The following SOX6 variants were observed in gnomAD, a reference collection of about 807,000 sequenced individuals.
SOX6 encodes the protein SRY-box transcription factor 6, also known as transcription factor SOX-6.
A neutral mutation model predicts 97.8 loss-of-function variants in SOX6; 11 were observed. The observed-to-expected ratio is 0.11, with a 90% CI of 0.07 to 0.19. The LOEUF is 0.19. SOX6 is among the 10% of genes least tolerant of loss of function. The probability of loss-of-function intolerance (pLI) is 1.00; values close to 1 mark genes in which losing one functional copy is unlikely to be tolerated. For missense variants in SOX6, 810 were observed against 1,039.5 expected, an observed-to-expected ratio of 0.78 and a Z score of 3.04; for synonymous variants, 360 against 371.4, an observed-to-expected ratio of 0.97 and a Z score of 0.35.
intron 6 of SOX6, among the ~76,000 whole-genome samples, chr11:16,152,690 C>G (rs989988512): frequency 2.0e-5 from 3 of 152,042 alleles, no homozygotes; most frequent in African/African-American, 4.8e-5. Flanking sequence ...GACACACACA[C>G]AGAGAGACTC....
At chr11:16,285,451 T>C (rs1854704478) in intron 3 of SOX6, among the ~76,000 whole-genome samples, 1 of 152,034 alleles carries the variant, frequency 6.6e-6, no homozygotes, top group African/African-American at 2.4e-5. Context: ...GGAGAATCAC[T>C]TGAACCCAGG....
At chr11:16,363,055 C>T (rs537844224) in intron 1 of SOX6, among the ~76,000 whole-genome samples, 2 of 152,256 alleles carry the variant, frequency 1.3e-5, no homozygotes, top group East Asian at 3.9e-4. Flanking sequence ...ACTGTTCTAG[C>T]TTCTGAGGAT....
chr11:16,142,948 T>A (rs950365380), intron 6 of SOX6, among the ~76,000 whole-genome samples: 2 of 151,984 alleles, frequency 1.3e-5, no homozygotes, highest in Non-Finnish European at 2.9e-5. Flanking sequence ...TCCAGGAGAA[T>A]ATCCCCAACC....
At chr11:16,376,269 T>C (rs1054321285) in intron 1 of SOX6, among the ~76,000 whole-genome samples, 18 of 152,144 alleles carry the variant, frequency 1.2e-4, no homozygotes, top group Admixed American at 9.8e-4. Flanking sequence ...CCTGGATTTA[T>C]ACCTTCTAAA....
chr11:16,374,530 G>GA (rs760118358), intron 1 of SOX6, among the ~76,000 whole-genome samples: 1 of 152,026 alleles, frequency 6.6e-6, no homozygotes, highest in African/African-American at 2.4e-5. Context: ...TTTTTAAACA[G>GA]AAAAAAATAA....
intron 12 of SOX6, among the ~76,000 whole-genome samples, chr11:16,034,477 A>G (rs1373142737): frequency 1.3e-5 from 2 of 152,190 alleles, no homozygotes; most frequent in East Asian, 3.8e-4. Context: ...CTAAAAGTAA[A>G]CTTCTGCCAG....
At chr11:16,381,689 C>T (rs766128443) in intron 1 of SOX6, among the ~76,000 whole-genome samples, 10 of 151,776 alleles carry the variant, frequency 6.6e-5, no homozygotes, top group Non-Finnish European at 1.3e-4. Flanking sequence ...AGAAAACATG[C>T]TTGAAACCTT....
intron 15 of SOX6, 24 bp from the exon 16 acceptor site, chr11:15,973,136 T>C (rs2119763917): frequency 6.2e-7 from 1 of 1,612,064 alleles, no homozygotes; most frequent in Non-Finnish European, 8.5e-7. Context: ...AGAAACAAAA[T>C]CAGACAAGGG....
intron 3 of SOX6, among the ~76,000 whole-genome samples, chr11:16,308,503 A>G (rs905008095): frequency 1.3e-5 from 2 of 152,182 alleles, no homozygotes; most frequent in South Asian, 2.1e-4. Context: ...TCCCAAGCCA[A>G]TATCTGTAAG....
chr11:15,970,138 C>T lies in SOX6; in HGVS notation c.*2671G>A, dbSNP rs989831044. The T allele has an allele frequency of 2.0e-5, 3 of 152,304 alleles. No homozygotes were observed. The highest frequency in any genetic ancestry group is 1.9e-4 in the East Asian group (1 of 5,200). 9.4% of individuals were successfully genotyped at this position (152,304 alleles called of 1,614,324 possible). Reference sequence around the variant, plus strand: ...AGATGACTTTTGTTCATGTAGTTTTCGTACAACAGTTTCACATTAGTCAGA... The same window carrying T: ...AGATGACTTTTGTTCATGTAGTTTTTGTACAACAGTTTCACATTAGTCAGA... On this transcript the variant is annotated 3_prime_UTR_variant, in exon 16 of 16. Coordinates refer to ENST00000683767, the MANE Select transcript of SOX6 (RefSeq NM_001367873.1).
intron 4 of SOX6, among the ~76,000 whole-genome samples, chr11:16,571,233 T>C (rs1285852681): frequency 6.6e-6 from 1 of 152,202 alleles, no homozygotes; most frequent in Non-Finnish European, 1.5e-5. Context: ...AACTACAAGT[T>C]GAAATATCTC....
At chr11:16,383,743 A>C (rs1204603363) in intron 1 of SOX6, among the ~76,000 whole-genome samples, 2 of 152,022 alleles carry the variant, frequency 1.3e-5, no homozygotes, top group African/African-American at 4.8e-5. Context: ...ACAAAAGAGA[A>C]GCCTATAAAA....
intron 13 of SOX6, among the ~76,000 whole-genome samples, chr11:15,993,979 T>C (rs1854145736): frequency 6.6e-6 from 1 of 152,198 alleles, no homozygotes; most frequent in African/African-American, 2.4e-5. Context: ...AGGGGAATTC[T>C]AGTTAATTCT....
chr11:16,090,636 G>GA (rs560186228), intron 9 of SOX6, among the ~76,000 whole-genome samples: 2,230 of 146,324 alleles, frequency 0.015, 37 homozygotes, highest in African/African-American at 0.047. Flanking sequence ...ATATTTTCCG[G>GA]AAAAAAAAAA....
In SOX6 at chr11:16,407,466, G is replaced by A. The variant is rs368061310; in HGVS notation, c.-4-66214C>T. Among the ~76,000 whole-genome samples, 180 of 152,160 alleles carry A rather than the reference G, an allele frequency of 1.2e-3. 1 individual carries two copies. Among genetic ancestry groups the A allele is most frequent in the South Asian group, 7.7e-3 (37 of 4,822 alleles). The stretch of plus-strand genomic sequence containing the variant: ...AAAGATGAATGAGGAAAGTATCCAC[G>A]ATGATTGCATCAGTTTCCCAAAGTT... On this transcript the variant is annotated intron_variant, in intron 1 of 15. Coordinates refer to the SOX6 transcript ENST00000396356.
intron 3 of SOX6, among the ~76,000 whole-genome samples, chr11:16,642,609 A>T (rs1281133298): frequency 6.6e-6 from 1 of 151,996 alleles, no homozygotes; most frequent in Non-Finnish European, 1.5e-5. Context: ...GGCTTTGTTC[A>T]TTTCTTTTTA....
At chr11:16,226,389 A>T (rs1439981135) in intron 4 of SOX6, among the ~76,000 whole-genome samples, 1 of 151,854 alleles carries the variant, frequency 6.6e-6, no homozygotes, top group Non-Finnish European at 1.5e-5. Flanking sequence ...AAGCACAAAC[A>T]GTTTGTGCTA....
At chr11:16,218,646 T>C (rs767053379) in intron 4 of SOX6, among the ~76,000 whole-genome samples, 3 of 152,134 alleles carry the variant, frequency 2.0e-5, no homozygotes, top group African/African-American at 7.2e-5. Flanking sequence ...ATTACTATTA[T>C]ATGAAAAAAC....
intron 9 of SOX6, among the ~76,000 whole-genome samples, chr11:16,075,820 A>T (rs983651877): frequency 6.6e-6 from 1 of 152,188 alleles, no homozygotes; most frequent in African/African-American, 2.4e-5. Context: ...AATAATAAAG[A>T]AATTCAAAAA....
Sources: gnomAD v4.1 joint callset for allele counts (sites outside exome capture counted in the v4.1 genomes callset) on GRCh38, gnomAD v4.1.1 for gene constraint, MANE v1.5 for transcripts, NCBI Gene and HGNC (gene_info 2026-07-23, HGNC 2026-07-21) for gene names.